The following PDLIM5 variants were observed in gnomAD, a reference collection of about 807,000 sequenced individuals.
PDLIM5 encodes the protein PDZ and LIM domain protein 5.
A neutral mutation model predicts 64.2 loss-of-function variants in PDLIM5; 34 were observed. The ratio of observed to expected loss-of-function variants is 0.53; its 90% CI spans 0.40 to 0.71. The LOEUF (loss-of-function observed/expected upper bound fraction) is 0.71. PDLIM5 is among the 30% of genes least tolerant of loss of function. PDLIM5 has a pLI of 0.00. For missense variants in PDLIM5, 683 were observed against 733.6 expected (o/e 0.93, Z 0.80); for synonymous variants, 253 against 269.1 (o/e 0.94, Z 0.59).
chr4:94,519,374 C>G (rs1385803496), intron 2 of PDLIM5, among the ~76,000 whole-genome samples: 1 of 152,140 alleles, frequency 6.6e-6, no homozygotes, highest in Non-Finnish European at 1.5e-5. Flanking sequence ...ACCTGCCCAG[C>G]AGCTCTGTGA....
intron 2 of PDLIM5, among the ~76,000 whole-genome samples, chr4:94,476,569 C>T (rs1725340524): frequency 6.6e-6 from 1 of 152,176 alleles, no homozygotes; most frequent in Admixed American, 6.5e-5. Flanking sequence ...TTCTGACATT[C>T]TTTATGTAAC....
rs1458072623 is a variant in PDLIM5, at chr4:94,666,013, C to T, written c.*1946C>T. ...TTCTGGTATTTGATTTGGTTTTTCT[C>T]TTTGTTTCCAGAATGGATGAAAGTC... On this transcript the variant is annotated 3_prime_UTR_variant, in exon 13 of 13. Transcript: ENST00000317968. The T allele has an allele frequency of 6.5e-7, 1 of 1,533,816 alleles. No individual in the cohort carries two copies. The highest frequency in any genetic ancestry group is 2.4e-5 in the East Asian group (1 of 40,858).
At chr4:94,658,152 ACTT>A (rs541379549) in intron 11 of PDLIM5, among the ~76,000 whole-genome samples, 36 of 152,334 alleles carry the variant, frequency 2.4e-4, no homozygotes, top group Middle Eastern at 3.4e-3. Context: ...CCTTAAGTCC[ACTT>A]CTTGTAGTCC....
intron 3 of PDLIM5, among the ~76,000 whole-genome samples, chr4:94,558,959 C>T (rs1390229250): frequency 2.6e-5 from 4 of 151,784 alleles, no homozygotes; most frequent in Admixed American, 6.6e-5. Flanking sequence ...TAAAGCATTT[C>T]AGTTATAGCA....
At chr4:94,566,691 G>C (rs1390856084) in intron 3 of PDLIM5, among the ~76,000 whole-genome samples, 2 of 152,296 alleles carry the variant, frequency 1.3e-5, no homozygotes, top group East Asian at 3.9e-4. Context: ...TCAACAAAGA[G>C]CTTCGTAAGA....
At chr4:94,514,158 G>A (rs1160645479) in intron 2 of PDLIM5, among the ~76,000 whole-genome samples, 10 of 141,612 alleles carry the variant, frequency 7.1e-5, no homozygotes, top group Non-Finnish European at 1.4e-4. Context: ...TTTTTGAGAC[G>A]GAGTCTTACG....
intron 2 of PDLIM5, among the ~76,000 whole-genome samples, chr4:94,482,647 T>C (rs769203569): frequency 1.3e-5 from 2 of 152,110 alleles, no homozygotes; most frequent in Admixed American, 6.6e-5. Context: ...TCTAATTCCT[T>C]GCACTTTAGG....
At chr4:94,595,492 G>A (rs1270989778) in intron 7 of PDLIM5, among the ~76,000 whole-genome samples, 1 of 152,178 alleles carries the variant, frequency 6.6e-6, no homozygotes, top group East Asian at 1.9e-4. Context: ...CCATCAGAAT[G>A]GAATTTTAGC....
At chr4:94,646,800 C>T (rs149215790) in intron 9 of PDLIM5, among the ~76,000 whole-genome samples, 49 of 152,234 alleles carry the variant, frequency 3.2e-4, no homozygotes, top group African/African-American at 1.1e-3. Flanking sequence ...TAGTCTACCC[C>T]GTGCTCACAC....
At chr4:94,492,758 TTA>T (rs1397028154) in intron 2 of PDLIM5, among the ~76,000 whole-genome samples, 2 of 152,220 alleles carry the variant, frequency 1.3e-5, no homozygotes, top group African/African-American at 4.8e-5. Context: ...TATCATATGT[TTA>T]TTCATTCATC....
intron 2 of PDLIM5, among the ~76,000 whole-genome samples, chr4:94,498,846 T>A (rs2126129596): frequency 6.6e-6 from 1 of 152,354 alleles, no homozygotes. Context: ...GGCAATTAAA[T>A]TTTTTTATAA....
chr4:94,525,813 G>A (rs183429911), intron 3 of PDLIM5, among the ~76,000 whole-genome samples: 1 of 152,220 alleles, frequency 6.6e-6, no homozygotes, highest in Non-Finnish European at 1.5e-5. Context: ...TTTGAATTTT[G>A]ATAGGCTATT....
intron 3 of PDLIM5, among the ~76,000 whole-genome samples, chr4:94,563,450 G>A (rs368315929): frequency 3.9e-5 from 6 of 152,062 alleles, no homozygotes; most frequent in East Asian, 1.9e-4. Flanking sequence ...TAAGTGTTAC[G>A]TAACTGGAAA....
intron 2 of PDLIM5, among the ~76,000 whole-genome samples, chr4:94,467,402 C>T (rs1724468265): frequency 6.6e-6 from 1 of 151,826 alleles, no homozygotes; most frequent in South Asian, 2.1e-4. Flanking sequence ...GCAACCTCCG[C>T]CTCCCGGCTT....
At chr4:94,535,434 T>C (rs1731234189) in intron 3 of PDLIM5, among the ~76,000 whole-genome samples, 1 of 152,226 alleles carries the variant, frequency 6.6e-6, no homozygotes, top group Admixed American at 6.5e-5. Context: ...TGGGCAAAAC[T>C]AAGTTCTATG....
At chr4:94,457,270 C>T in intron 2 of PDLIM5, 1 of 505,080 alleles carries the variant, frequency 2.0e-6, no homozygotes, top group Non-Finnish European at 2.6e-6. Context: ...GCCTTGATTT[C>T]AGTTAATTAG....
At chr4:94,572,576 C>A (rs1578399938) in intron 3 of PDLIM5, among the ~76,000 whole-genome samples, 1 of 152,034 alleles carries the variant, frequency 6.6e-6, no homozygotes, top group East Asian at 1.9e-4. Context: ...TAACATAGTA[C>A]AAAAAACATA....
intron 3 of PDLIM5, among the ~76,000 whole-genome samples, chr4:94,546,971 G>GA (rs202063845): frequency 6.7e-5 from 10 of 149,894 alleles, no homozygotes; most frequent in East Asian, 1.9e-4. Flanking sequence ...AGGGCTTAAG[G>GA]AAAAAAAAAT....
intron 5 of PDLIM5, chr4:94,579,572 G>T: frequency 8.1e-7 from 1 of 1,231,988 alleles, no homozygotes; most frequent in South Asian, 1.6e-5. Flanking sequence ...GAAATATGGT[G>T]ATTTATATAT....
Sources: gnomAD v4.1 joint callset for allele counts (sites outside exome capture counted in the v4.1 genomes callset) on GRCh38, gnomAD v4.1.1 for gene constraint, MANE v1.5 for transcripts, NCBI Gene and HGNC (gene_info 2026-07-23, HGNC 2026-07-21) for gene names.